Variants in FHOD3 observed in about 807,000 individuals in gnomAD.
FHOD3 encodes the protein formin homology 2 domain containing 3, also known as FH1/FH2 domain-containing protein 3.
In FHOD3, 90 loss-of-function variants were observed where a neutral mutation model predicts 173.0. The observed-to-expected ratio is 0.52, with a 90% CI of 0.44 to 0.62. FHOD3 has a LOEUF of 0.62. Among genes scored for constraint, FHOD3 ranks in the 20% least tolerant of loss-of-function variants. The probability of loss-of-function intolerance (pLI) is 0.00; values close to 1 mark genes in which losing one functional copy is unlikely to be tolerated. For missense variants in FHOD3, 1,945 were observed against 2,034.7 expected (o/e 0.96, Z 0.85); for synonymous variants, 828 against 823.0 (o/e 1.01, Z -0.10).
intron 4 of FHOD3, among the ~76,000 whole-genome samples, chr18:36,511,908 T>C (rs1267348498): frequency 6.6e-6 from 1 of 152,214 alleles, no homozygotes; most frequent in African/African-American, 2.4e-5. Flanking sequence ...TCCATGCTTG[T>C]CCTACAGGCA....
At chr18:36,595,033 GT>G in intron 7 of FHOD3, 135 bp downstream of exon 7, 1 of 600,286 alleles carries the variant, frequency 1.7e-6, no homozygotes, top group Non-Finnish European at 2.9e-6. Context: ...TGCAAGAAAC[GT>G]TTTTTAGGAT....
intron 26 of FHOD3, 69 bp from the exon 27 acceptor site, chr18:36,760,539 G>A: frequency 7.1e-7 from 1 of 1,403,430 alleles, no homozygotes; most frequent in Non-Finnish European, 9.5e-7. Context: ...CTCAACCACG[G>A]GTTTTAGAAG....
chr18:36,417,848 T>G (rs2147014733), intron 3 of FHOD3, among the ~76,000 whole-genome samples: 1 of 152,332 alleles, frequency 6.6e-6, no homozygotes, highest in East Asian at 1.9e-4. Flanking sequence ...ATTATAATGT[T>G]GGCCTTAATT....
chr18:36,383,970 G>T (rs1297310057), intron 3 of FHOD3, among the ~76,000 whole-genome samples: 2 of 152,192 alleles, frequency 1.3e-5, no homozygotes, highest in Admixed American at 6.5e-5. Context: ...TATAGCACAG[G>T]TCTGGGCTGA....
In FHOD3 at chr18:36,717,821, T is replaced by C; in HGVS notation, c.2534-11T>C. 1.3e-6 allele frequency: 2 copies of C among 1,551,194 alleles called. No homozygotes were observed. The highest frequency in any genetic ancestry group is 2.3e-5 in the East Asian group (1 of 44,160). On this transcript the variant is annotated splice_polypyrimidine_tract_variant and intron_variant, in intron 18 of 28. Transcript: ENST00000590592. Reference sequence around the variant, plus strand: ...GCCCCTTTCTCATTTTTCTCTCCCATGTACTTTCAGGTTTGTGGCCCGCAG... The same window carrying C: ...GCCCCTTTCTCATTTTTCTCTCCCACGTACTTTCAGGTTTGTGGCCCGCAG...
At position 36,779,625 on chromosome 18, in the gene FHOD3, C is replaced by T; in HGVS notation, c.*95C>T. 2.8e-6 allele frequency: 3 copies of T among 1,058,468 alleles called. No homozygotes were observed. Among genetic ancestry groups the T allele is most frequent in the South Asian group, 1.3e-5 (1 of 75,768 alleles). The allele number at this position is 1,058,468 out of a possible 1,614,324, so 65.6% of individuals were successfully genotyped here. On this transcript the variant is annotated 3_prime_UTR_variant, in exon 29 of 29. Transcript: ENST00000590592. ...TGGGGTTGGGGAGACTTGATATTCA[C>T]ATCCAACAGTTTGAAAAGGGAGAGC...
intron 3 of FHOD3, among the ~76,000 whole-genome samples, chr18:36,485,319 G>A (rs2054138678): frequency 6.6e-6 from 1 of 152,150 alleles, no homozygotes; most frequent in Non-Finnish European, 1.5e-5. Flanking sequence ...AGTGGCCTGT[G>A]GTTGCGAGTC....
chr18:36,499,523 T>C (rs1410821549), intron 3 of FHOD3, among the ~76,000 whole-genome samples: 1 of 152,208 alleles, frequency 6.6e-6, no homozygotes, highest in Non-Finnish European at 1.5e-5. Context: ...CTTGATAGTT[T>C]TATTCTTATT....
chr18:36,694,888 C>T (rs1425817739), intron 17 of FHOD3, among the ~76,000 whole-genome samples: 1 of 152,104 alleles, frequency 6.6e-6, no homozygotes, highest in Non-Finnish European at 1.5e-5. Context: ...GATTGAATTA[C>T]AGTTTAACTC....
intron 3 of FHOD3, among the ~76,000 whole-genome samples, chr18:36,408,977 C>G (rs2049208118): frequency 6.6e-6 from 1 of 152,132 alleles, no homozygotes; most frequent in Admixed American, 6.5e-5. Context: ...GGGCTCACTC[C>G]CCCTGCTGGG....
At chr18:36,523,017 A>G (rs1380616525) in intron 5 of FHOD3, among the ~76,000 whole-genome samples, 1 of 152,130 alleles carries the variant, frequency 6.6e-6, no homozygotes, top group Non-Finnish European at 1.5e-5. Flanking sequence ...AACCACTCAC[A>G]TGGGAGTTTG....
chr18:36,758,975 A>G, intron 25 of FHOD3, 143 bp from the exon 26 acceptor site: 1 of 872,034 alleles, frequency 1.1e-6, no homozygotes, highest in Non-Finnish European at 1.8e-6. Context: ...CTCCCAACTC[A>G]AGAGGATGTA....
chr18:36,625,812 T>G (rs2034062904), intron 10 of FHOD3, 63 bp downstream of exon 10: 2 of 1,360,048 alleles, frequency 1.5e-6, no homozygotes, highest in Admixed American at 4.2e-5. Flanking sequence ...AGCCCACAGG[T>G]GCCTGCCACT....
At chr18:36,399,478 C>T (rs17673355) in intron 3 of FHOD3, among the ~76,000 whole-genome samples, 33,733 of 152,140 alleles carry the variant, frequency 0.22, 4,294 homozygotes, top group East Asian at 0.67. Flanking sequence ...TTTGAAAGCT[C>T]CCTTAGGAGA....
chr18:36,449,838 A>G lies in FHOD3; in HGVS notation c.338-52094A>G, dbSNP rs552399056. 2.0e-3 allele frequency among the ~76,000 whole-genome samples: 297 copies of G among 152,290 alleles called. 3 individuals carry two copies. The highest frequency in any genetic ancestry group is 6.7e-3 in the African/African-American group (279 of 41,562). On this transcript the variant is annotated intron_variant, in intron 3 of 28. Coordinates refer to ENST00000590592, the MANE Select transcript of FHOD3 (RefSeq NM_001281740.3). ...ATGGGCACCCAGGTTGGGTGAATGA[A>G]CACTAAAAATTATATATGATGGTAA... is the stretch of plus-strand genomic sequence containing the variant.
intron 3 of FHOD3, among the ~76,000 whole-genome samples, chr18:36,413,371 C>T (rs998388980): frequency 6.6e-6 from 1 of 152,146 alleles, no homozygotes; most frequent in African/African-American, 2.4e-5. Context: ...TTTAATATTT[C>T]CTCTAGTAAA....
intron 9 of FHOD3, among the ~76,000 whole-genome samples, chr18:36,612,669 A>C (rs920340393): frequency 5.3e-5 from 8 of 152,252 alleles, no homozygotes; most frequent in Admixed American, 1.3e-4. Flanking sequence ...ATTAAAATTT[A>C]AAATTATTAC....
chr18:36,467,516 C>T lies in FHOD3; in HGVS notation c.338-34416C>T, dbSNP rs544377241. 1.9e-3 allele frequency among the ~76,000 whole-genome samples: 290 copies of T among 152,194 alleles called. 3 individuals are homozygous for T. The highest frequency in any genetic ancestry group is 6.6e-3 in the African/African-American group (274 of 41,528). On this transcript the variant is annotated intron_variant, in intron 3 of 28. Transcript: ENST00000590592. ...AGAGGCAAGAGATTGGTCTAGCCTG[C>T]GCCAGCGTCACTCCAGGAGGGTGCT...
chr18:36,652,453 AAGTGAGTGATAAT>A (rs2036123020), intron 11 of FHOD3, 104 bp from the exon 12 acceptor site: 1 of 1,252,516 alleles, frequency 8.0e-7, no homozygotes, highest in Non-Finnish European at 1.1e-6. Flanking sequence ...CTTGACTTTG[AAGTGAGTGATAAT>A]AGTACAGAAG....
Sources: allele counts gnomAD v4.1 joint callset (sites outside exome capture counted in the v4.1 genomes callset), GRCh38; gene constraint gnomAD v4.1.1; transcripts MANE v1.5; gene names NCBI Gene and HGNC (gene_info 2026-07-23, HGNC 2026-07-21).